SEPTIN11: variants seen among roughly 807,000 people sequenced by gnomAD.
The protein encoded by SEPTIN11 is septin-11.
A neutral mutation model predicts 51.4 loss-of-function variants in SEPTIN11; 25 were observed. The ratio of observed to expected loss-of-function variants is 0.49; its 90% CI spans 0.35 to 0.68. The LOEUF (loss-of-function observed/expected upper bound fraction) is 0.68. Ranked by LOEUF, SEPTIN11 falls within the 30% of genes least tolerant of loss-of-function variation. SEPTIN11 has a pLI of 0.00. For synonymous variants in SEPTIN11, 174 were observed against 184.1 expected (o/e 0.95, Z 0.44); for missense variants, 381 against 520.8 (o/e 0.73, Z 2.61).
chr4:77,038,687 A>G (rs1727197244), downstream of SEPTIN11: 3 of 1,008,548 alleles, frequency 3.0e-6, no homozygotes, highest in Non-Finnish European at 3.6e-6. Context: ...CTTACTGGAT[A>G]AAAGAAATAG....
At chr4:77,030,172 C>T (rs1726510098) in intron 8 of SEPTIN11, among the ~76,000 whole-genome samples, 1 of 151,442 alleles carries the variant, frequency 6.6e-6, no homozygotes, top group Non-Finnish European at 1.5e-5. Context: ...AGGAGAATTG[C>T]TTGAACCCAG....
At chr4:76,959,122 G>A (rs906868443) in intron 1 of SEPTIN11, 5 of 609,328 alleles carry the variant, frequency 8.2e-6, no homozygotes, top group Non-Finnish European at 1.6e-5. Flanking sequence ...TGCCTGCGGT[G>A]TCCAAGGCTT....
rs1423792973 is a variant in SEPTIN11 at position 77,036,374 on chromosome 4, C to T, written c.*1862C>T. On this transcript the variant is annotated 3_prime_UTR_variant, in exon 10 of 10. Coordinates refer to ENST00000264893, the MANE Select transcript of SEPTIN11 (RefSeq NM_018243.4). Reference sequence around the variant, plus strand: ...ACCATGGGCTGAATTTGCTCATAGGCTGTGCATCAGACAAAAGCTTGAATA... The same window carrying T: ...ACCATGGGCTGAATTTGCTCATAGGTTGTGCATCAGACAAAAGCTTGAATA... 3 of 1,071,066 alleles carry T rather than the reference C, an allele frequency of 2.8e-6. No individual in the cohort carries two copies. Among genetic ancestry groups the T allele is most frequent in the Non-Finnish European group, 3.4e-6 (3 of 882,784 alleles). The allele number at this position is 1,071,066 out of a possible 1,614,324, so 66.3% of individuals were successfully genotyped here.
At chr4:76,987,215 GAGA>G (rs1560711128) in intron 1 of SEPTIN11, among the ~76,000 whole-genome samples, 1 of 152,186 alleles carries the variant, frequency 6.6e-6, no homozygotes, top group Non-Finnish European at 1.5e-5. Flanking sequence ...GGGCCGCACT[GAGA>G]AGTTGTTCTT....
chr4:77,016,417 C>G (rs944567864), intron 5 of SEPTIN11, among the ~76,000 whole-genome samples: 4 of 147,664 alleles, frequency 2.7e-5, no homozygotes, highest in African/African-American at 1.0e-4. Flanking sequence ...ATGGATTTCA[C>G]CAACCATGGA....
chr4:77,002,116 A>G (rs1329928385), intron 2 of SEPTIN11, among the ~76,000 whole-genome samples: 1 of 152,182 alleles, frequency 6.6e-6, no homozygotes, highest in African/African-American at 2.4e-5. Flanking sequence ...CAGCTCTTAA[A>G]AGCACAGACC....
chr4:77,022,018 T>C (rs4859731), intron 7 of SEPTIN11, among the ~76,000 whole-genome samples: 18,128 of 152,192 alleles, frequency 0.12, 1,224 homozygotes, highest in South Asian at 0.18. Context: ...GTGAAAGTCA[T>C]GTTCTGAGGC....
chr4:76,954,574 T>C (rs1352181717), intron 1 of SEPTIN11, among the ~76,000 whole-genome samples: 2 of 152,144 alleles, frequency 1.3e-5, no homozygotes, highest in East Asian at 3.8e-4. Context: ...CTGTTGAACA[T>C]AAAAACAATA....
At chr4:76,975,468 CAAT>C (rs1287435875) in intron 1 of SEPTIN11, among the ~76,000 whole-genome samples, 17 of 152,104 alleles carry the variant, frequency 1.1e-4, no homozygotes, top group African/African-American at 3.6e-4. Context: ...CTTAAAATAA[CAAT>C]AATAAACTTA....
chr4:76,996,598 G>GTCAATA, intron 2 of SEPTIN11, 59 bp downstream of exon 2: 4 of 1,206,604 alleles, frequency 3.3e-6, no homozygotes, highest in Non-Finnish European at 4.9e-6. Flanking sequence ...ACAGGTAACT[G>GTCAATA]TCGGAGAGAC....
At position 77,037,032 on chromosome 4, in the gene SEPTIN11, A is replaced by G; in HGVS notation, c.*2520A>G. The G allele has an allele frequency of 8.2e-7, 1 of 1,220,916 alleles. No individual in the cohort carries two copies. Among genetic ancestry groups the G allele is most frequent in the Non-Finnish European group, 1.0e-6 (1 of 982,668 alleles). 75.6% of individuals were successfully genotyped at this position (1,220,916 alleles called of 1,614,324 possible). ...ATTTTTTTCACAAGAACCACATAATAAATTCCACTTCTTGACCTGAATTTG... is the reference window on the plus strand; with the variant it reads ...ATTTTTTTCACAAGAACCACATAATGAATTCCACTTCTTGACCTGAATTTG... On this transcript the variant is annotated 3_prime_UTR_variant, in exon 10 of 10. Coordinates refer to ENST00000264893, the MANE Select transcript of SEPTIN11 (RefSeq NM_018243.4).
intron 9 of SEPTIN11, among the ~76,000 whole-genome samples, chr4:77,032,534 A>C (rs1462651788): frequency 6.6e-6 from 1 of 152,154 alleles, no homozygotes; most frequent in Non-Finnish European, 1.5e-5. Flanking sequence ...ATCCAAGCTA[A>C]ACTAACCAAG....
intron 3 of SEPTIN11, among the ~76,000 whole-genome samples, chr4:77,007,024 T>C (rs915935987): frequency 6.6e-6 from 1 of 152,192 alleles, no homozygotes; most frequent in African/African-American, 2.4e-5. Context: ...AAATGGACTA[T>C]CTGTACATTG....
intron 1 of SEPTIN11, among the ~76,000 whole-genome samples, chr4:76,975,040 T>C (rs1214935040): frequency 6.6e-6 from 1 of 151,304 alleles, no homozygotes; most frequent in East Asian, 1.9e-4. Flanking sequence ...TGAGAATTGC[T>C]TGAACCCAGA....
rs538159972 is a variant in SEPTIN11 at position 77,024,612 on chromosome 4, C to T, written c.953+3942C>T. 1.2e-4 allele frequency among the ~76,000 whole-genome samples: 18 copies of T among 152,320 alleles called. No individual in the cohort carries two copies. Among genetic ancestry groups the T allele is most frequent in the Non-Finnish European group, 1.9e-4 (13 of 68,030 alleles). ...CACCACCGTCTCCTTGCTTCACCCC[C>T]GTTCAACTCACACGAAGCACTCAGT... is the stretch of plus-strand genomic sequence containing the variant. On this transcript the variant is annotated intron_variant, in intron 7 of 9. Transcript: ENST00000264893. The surrounding 1 kb of genome is among the most constrained non-coding windows in gnomAD (Gnocchi z 4.2).
chr4:77,013,680 G>A (rs955406215), intron 4 of SEPTIN11, among the ~76,000 whole-genome samples: 2 of 152,202 alleles, frequency 1.3e-5, no homozygotes, highest in Non-Finnish European at 2.9e-5. Flanking sequence ...TGAGGAATAG[G>A]TTGAAGAATA....
chr4:77,032,758 T>C (rs947503350), intron 9 of SEPTIN11, among the ~76,000 whole-genome samples: 1 of 152,218 alleles, frequency 6.6e-6, no homozygotes, highest in African/African-American at 2.4e-5. Context: ...GAGTATTTCG[T>C]GTATACTAGA....
intron 1 of SEPTIN11, among the ~76,000 whole-genome samples, chr4:76,952,793 A>T (rs1389154796): frequency 2.0e-5 from 3 of 152,216 alleles, no homozygotes; most frequent in Non-Finnish European, 4.4e-5. Flanking sequence ...AGTATAACTG[A>T]TGATTAGCAA....
intron 2 of SEPTIN11, among the ~76,000 whole-genome samples, chr4:77,004,015 A>G (rs1322959633): frequency 1.3e-5 from 2 of 152,190 alleles, no homozygotes; most frequent in Non-Finnish European, 2.9e-5. Context: ...ATGTTTCTAG[A>G]TTTCTACCTG....
Sources: gnomAD v4.1 joint callset for allele counts (sites outside exome capture counted in the v4.1 genomes callset) on GRCh38, gnomAD v4.1.1 for gene constraint, Gnocchi (gnomAD v3.1) non-coding constraint, MANE v1.5 for transcripts, NCBI Gene and HGNC (gene_info 2026-07-23, HGNC 2026-07-21) for gene names.